Variants in KIAA1328 observed in about 807,000 individuals in gnomAD.
KIAA1328 encodes the protein protein hinderin.
A neutral mutation model predicts 68.1 loss-of-function variants in KIAA1328; 52 were observed. The ratio of observed to expected loss-of-function variants is 0.76; its 90% CI spans 0.61 to 0.96. KIAA1328 has a LOEUF of 0.96. Among genes scored for constraint, KIAA1328 ranks in the 40% least tolerant of loss-of-function variants. The probability of loss-of-function intolerance (pLI) is 0.00; values close to 1 mark genes in which losing one functional copy is unlikely to be tolerated. For missense variants in KIAA1328, 641 were observed against 677.6 expected, an observed-to-expected ratio of 0.95 and a Z score of 0.60; for synonymous variants, 232 against 239.4, an observed-to-expected ratio of 0.97 and a Z score of 0.28.
At chr18:37,020,217 G>A (rs766005378) in intron 6 of KIAA1328, among the ~76,000 whole-genome samples, 28 of 152,064 alleles carry the variant, frequency 1.8e-4, no homozygotes, top group Middle Eastern at 6.8e-3. Flanking sequence ...TCTGCCTCCC[G>A]CGTTGAGCGA....
chr18:36,899,699 A>C (rs1047206927), intron 5 of KIAA1328, among the ~76,000 whole-genome samples: 1 of 152,084 alleles, frequency 6.6e-6, no homozygotes, highest in African/African-American at 2.4e-5. Context: ...GCTAGGAAAG[A>C]ATGAAGTGGA....
intron 5 of KIAA1328, among the ~76,000 whole-genome samples, chr18:36,928,566 G>T (rs548836584): frequency 2.0e-5 from 3 of 152,092 alleles, no homozygotes; most frequent in African/African-American, 4.8e-5. Flanking sequence ...TTGCCATTGG[G>T]GGGGATACAC....
intron 6 of KIAA1328, among the ~76,000 whole-genome samples, chr18:37,047,073 C>T (rs2055501743): frequency 6.6e-6 from 1 of 152,184 alleles, no homozygotes. Flanking sequence ...CGCCACTGCA[C>T]TCCAGCCTGG....
intron 5 of KIAA1328, among the ~76,000 whole-genome samples, chr18:36,948,512 G>A (rs942687117): frequency 2.0e-5 from 3 of 150,148 alleles, no homozygotes; most frequent in Non-Finnish European, 4.4e-5. Context: ...CTCCCACCTC[G>A]GCCTCCAAAA....
At chr18:36,829,583 G>A in intron 1 of KIAA1328, 1 of 411,096 alleles carries the variant, frequency 2.4e-6, no homozygotes, top group Non-Finnish European at 3.5e-6. Context: ...AGGAGTCGGT[G>A]TTGGCTGGAC....
chr18:37,117,919 A>C (rs1384503148), intron 7 of KIAA1328, among the ~76,000 whole-genome samples: 1 of 151,242 alleles, frequency 6.6e-6, no homozygotes, highest in East Asian at 1.9e-4. Context: ...TATTCATAAC[A>C]AAGAATAAAG....
intron 5 of KIAA1328, among the ~76,000 whole-genome samples, chr18:36,918,999 T>G (rs1173465507): frequency 6.6e-6 from 1 of 152,194 alleles, no homozygotes; most frequent in African/African-American, 2.4e-5. Flanking sequence ...TTGATGAATA[T>G]TCTCTGTGCA....
At chr18:36,950,439 A>G (rs1225382930) in intron 5 of KIAA1328, among the ~76,000 whole-genome samples, 1 of 152,138 alleles carries the variant, frequency 6.6e-6, no homozygotes, top group African/African-American at 2.4e-5. Context: ...TGTGTGCTGA[A>G]GAGATACCAA....
intron 7 of KIAA1328, among the ~76,000 whole-genome samples, chr18:37,116,991 C>G (rs2058128433): frequency 1.3e-5 from 2 of 152,094 alleles, no homozygotes; most frequent in South Asian, 4.1e-4. Flanking sequence ...GAATGGTGAT[C>G]ATTAAAAAGT....
At position 37,089,371 on chromosome 18, in the gene KIAA1328, CTTT is replaced by C. The variant is rs3085910; in HGVS notation, c.1232+21846_1232+21848del. ...CTATTAGGGTACTTGAAGGTAGTGG[CTTT>C]TTTTTTTTTTTTTTTTTTTAGATGA... On this transcript the variant is annotated intron_variant, in intron 7 of 9. Transcript: ENST00000280020. Among the ~76,000 whole-genome samples the C allele has an allele frequency of 8.0e-4, 76 of 95,284 alleles. No individual in the cohort carries two copies. In the South Asian group the frequency reaches 0.016, roughly 20 times the overall value. 62.5% of individuals were successfully genotyped at this position (95,284 alleles called of 152,430 possible). A position where few individuals can be genotyped will look rare whatever the true frequency, so the allele number is the denominator to read the frequency against.
At chr18:37,138,323 T>C (rs573134589) in intron 7 of KIAA1328, among the ~76,000 whole-genome samples, 19 of 152,314 alleles carry the variant, frequency 1.2e-4, no homozygotes, top group African/African-American at 4.6e-4. Flanking sequence ...GAAATAGCTA[T>C]AGAATAGCCA....
rs905958588 is a variant in KIAA1328, at chr18:37,016,679, C to T, written c.577-50211C>T. 4.6e-5 allele frequency among the ~76,000 whole-genome samples: 7 copies of T among 152,176 alleles called. No individual in the cohort carries two copies. In the East Asian group the frequency reaches 1.4e-3, roughly 29 times the overall value. The stretch of plus-strand genomic sequence containing the variant: ...GTTCTGTTCAGTGTTTCAGTTTCTT[C>T]CTGATTCAATTTTGGGAGATTGTGT... On this transcript the variant is annotated intron_variant, in intron 6 of 9. Coordinates refer to ENST00000280020, the MANE Select transcript of KIAA1328 (RefSeq NM_020776.3).
At chr18:37,048,628 G>A (rs1384319911) in intron 6 of KIAA1328, among the ~76,000 whole-genome samples, 1 of 152,018 alleles carries the variant, frequency 6.6e-6, no homozygotes, top group African/African-American at 2.4e-5. Context: ...CATTTCAAAA[G>A]CAAAAATTGC....
At chr18:37,174,328 A>G (rs2059555239) in intron 9 of KIAA1328, among the ~76,000 whole-genome samples, 1 of 151,790 alleles carries the variant, frequency 6.6e-6, no homozygotes, top group Admixed American at 6.6e-5. Context: ...CACACAATCA[A>G]AAAGAGAATT....
intron 6 of KIAA1328, among the ~76,000 whole-genome samples, chr18:37,020,501 G>T (rs889476634): frequency 1.3e-5 from 2 of 152,172 alleles, no homozygotes; most frequent in Non-Finnish European, 2.9e-5. Context: ...GCGCATGTTA[G>T]ATTTCCTAAT....
chr18:37,156,374 C>T (rs1030046618), intron 7 of KIAA1328, among the ~76,000 whole-genome samples: 4 of 141,304 alleles, frequency 2.8e-5, no homozygotes, highest in Admixed American at 7.8e-5. Flanking sequence ...TGTGGTGAGC[C>T]GAGATTGTGC....
intron 5 of KIAA1328, among the ~76,000 whole-genome samples, chr18:36,942,970 A>G (rs2050767524): frequency 6.6e-6 from 1 of 152,206 alleles, no homozygotes; most frequent in African/African-American, 2.4e-5. Context: ...GCCAAAGCAA[A>G]TTTAATTCCC....
intron 5 of KIAA1328, among the ~76,000 whole-genome samples, chr18:36,958,970 T>A (rs2051539804): frequency 6.6e-6 from 1 of 152,198 alleles, no homozygotes; most frequent in South Asian, 2.1e-4. Context: ...TACGTTTAGA[T>A]CAATGATGCA....
At chr18:37,078,915 A>G (rs2056848918) in intron 7 of KIAA1328, among the ~76,000 whole-genome samples, 1 of 151,934 alleles carries the variant, frequency 6.6e-6, no homozygotes, top group Admixed American at 6.6e-5. Context: ...TGTGGAGGTC[A>G]GTGTGGCGAT....
Sources: gnomAD v4.1 joint callset for allele counts (sites outside exome capture counted in the v4.1 genomes callset) on GRCh38, gnomAD v4.1.1 for gene constraint, MANE v1.5 for transcripts, NCBI Gene and HGNC (gene_info 2026-07-23, HGNC 2026-07-21) for gene names.